Variants in PSPC1 observed in about 807,000 individuals in gnomAD.
PSPC1 encodes paraspeckle component 1, also known as paraspeckle protein 1.
In PSPC1, 14 loss-of-function variants were observed where a neutral mutation model predicts 51.6. The observed-to-expected ratio is 0.27, with a 90% confidence interval of 0.18 to 0.42. The LOEUF is 0.42. Ranked by LOEUF, PSPC1 falls within the 10% of genes least tolerant of loss-of-function variation. The pLI, the probability that PSPC1 is intolerant of heterozygous loss-of-function variation, is 1.00. For synonymous variants in PSPC1, 193 were observed against 231.9 expected, an observed-to-expected ratio of 0.83 and a Z score of 1.53; for missense variants, 406 against 701.1, an observed-to-expected ratio of 0.58 and a Z score of 4.75.
chr13:19,760,992 TAAAA>T, intron 2 of PSPC1, among the ~76,000 whole-genome samples: 1 of 140,198 alleles, frequency 7.1e-6, no homozygotes, highest in South Asian at 2.3e-4. Flanking sequence ...CGTCTCAAAT[TAAAA>T]AAAAAAAAAA....
chr13:19,698,195 G>A (rs187015153), downstream of PSPC1, among the ~76,000 whole-genome samples: 440 of 151,692 alleles, frequency 2.9e-3, 6 homozygotes, highest in Non-Finnish European at 4.0e-3. Context: ...GCTTATATAC[G>A]GTAATTCCTT....
chr13:19,687,337 A>G (rs555163448), intron 6 of PSPC1, among the ~76,000 whole-genome samples: 1 of 152,338 alleles, frequency 6.6e-6, no homozygotes, highest in African/African-American at 2.4e-5. Context: ...ATTCCAGTAC[A>G]AGACTCAAAC....
chr13:19,682,132 A>T (rs1877335512), intron 6 of PSPC1, among the ~76,000 whole-genome samples: 1 of 152,266 alleles, frequency 6.6e-6, no homozygotes, highest in Non-Finnish European at 1.5e-5. Context: ...TTTTGATGTA[A>T]TATAACCTCA....
chr13:19,679,752 C>T lies in PSPC1; in HGVS notation c.1159-1929G>A, dbSNP rs1373089065. ...TGATATTCATGGGGGCAGAAGCAACCTCCCAGGAAATGGAGGAACAACTGT... is the reference window on the plus strand; with the variant it reads ...TGATATTCATGGGGGCAGAAGCAACTTCCCAGGAAATGGAGGAACAACTGT... On this transcript the variant is annotated intron_variant and NMD_transcript_variant, in intron 6 of 7. Transcript: ENST00000471658. Among the ~76,000 whole-genome samples the T allele has an allele frequency of 2.6e-5, 4 of 152,130 alleles. No homozygotes were observed. In the South Asian group the frequency reaches 8.3e-4, roughly 31 times the overall value.
intron 6 of PSPC1, among the ~76,000 whole-genome samples, chr13:19,723,713 A>G (rs772294670): frequency 1.8e-4 from 27 of 152,350 alleles, no homozygotes; most frequent in Non-Finnish European, 3.7e-4. Flanking sequence ...TAAACATTAC[A>G]AACTTATATA....
rs113277552 is a variant in PSPC1, at chr13:19,757,273, T to C, written c.770+2050A>G. Among the ~76,000 whole-genome samples the C allele has an allele frequency of 3.8e-3, 584 of 152,260 alleles. 5 individuals carry two copies. Among genetic ancestry groups the C allele is most frequent in the African/African-American group, 0.013 (550 of 41,554 alleles). ...TGGAACTGTGCACCCACTGGAACCC[T>C]TGACAGACCATCAAGCTTCAGATGA... is the stretch of plus-strand genomic sequence containing the variant. On this transcript the variant is annotated intron_variant, in intron 3 of 8. Transcript: ENST00000338910.
At chr13:19,736,498 A>G (rs1045858681) in intron 5 of PSPC1, among the ~76,000 whole-genome samples, 44 of 151,816 alleles carry the variant, frequency 2.9e-4, no homozygotes, top group Non-Finnish European at 5.6e-4. Flanking sequence ...CCTGGCTAAC[A>G]CAGTGAAACC....
At chr13:19,740,909 G>C (rs1052599926) in intron 5 of PSPC1, among the ~76,000 whole-genome samples, 4 of 149,004 alleles carry the variant, frequency 2.7e-5, no homozygotes, top group African/African-American at 9.9e-5. Flanking sequence ...GAGTCTCACT[G>C]TGTAGCCCAG....
chr13:19,730,965 C>CAAAAAAAAAA (rs56753561), intron 5 of PSPC1, among the ~76,000 whole-genome samples: 1 of 37,358 alleles, frequency 2.7e-5, no homozygotes, highest in African/African-American at 6.8e-5. Flanking sequence ...AACAAAAAAA[C>CAAAAAAAAAA]AAAAAAAAAA....
chr13:19,675,662 GAGAC>G (rs1565949743), intron 7 of PSPC1: 1 of 152,178 alleles, frequency 6.6e-6, no homozygotes, highest in African/African-American at 2.4e-5. Context: ...ACCTGGAAAA[GAGAC>G]AGAGTCTTCA....
At chr13:19,775,833 G>A (rs571749291) in intron 1 of PSPC1, among the ~76,000 whole-genome samples, 6 of 152,248 alleles carry the variant, frequency 3.9e-5, no homozygotes, top group Admixed American at 2.0e-4. Flanking sequence ...GGAGAATCAC[G>A]AGGTCAGGAG....
intron 5 of PSPC1, among the ~76,000 whole-genome samples, chr13:19,735,048 A>G (rs1884618574): frequency 6.6e-6 from 1 of 151,850 alleles, no homozygotes; most frequent in South Asian, 2.1e-4. Flanking sequence ...GCGGTGGCTC[A>G]TGCTTGTAAT....
chr13:19,691,071 A>G (rs1330062953), intron 6 of PSPC1, among the ~76,000 whole-genome samples: 1 of 152,234 alleles, frequency 6.6e-6, no homozygotes, highest in African/African-American at 2.4e-5. Context: ...TTGAATGAAT[A>G]AACAATCTGC....
At chr13:19,679,076 G>C (rs780313599) in intron 6 of PSPC1, 7 of 152,168 alleles carry the variant, frequency 4.6e-5, no homozygotes, top group African/African-American at 7.2e-5. Context: ...TTAAAACAAG[G>C]CATGGCATAA....
chr13:19,763,054 GA>G (rs1184600719), intron 2 of PSPC1, among the ~76,000 whole-genome samples: 1 of 151,770 alleles, frequency 6.6e-6, no homozygotes, highest in African/African-American at 2.4e-5. Flanking sequence ...GCAGTGAGCT[GA>G]GACCGCGGCA....
At chr13:19,671,235 T>C (rs752642801), downstream of PSPC1, 1 of 1,614,164 alleles carries the variant, frequency 6.2e-7, no homozygotes, top group Admixed American at 1.7e-5. Flanking sequence ...CATTCAGCCC[T>C]GTTGCAGGTC....
intron 2 of PSPC1, among the ~76,000 whole-genome samples, chr13:19,761,530 T>A (rs890919586): frequency 1.3e-5 from 2 of 152,132 alleles, no homozygotes; most frequent in African/African-American, 4.8e-5. Flanking sequence ...ATACCAGAGA[T>A]TAACACAGAC....
intron 7 of PSPC1, among the ~76,000 whole-genome samples, chr13:19,677,447 CA>C (rs1876790115): frequency 6.6e-6 from 1 of 152,040 alleles, no homozygotes; most frequent in Non-Finnish European, 1.5e-5. Flanking sequence ...CGCATTACAC[CA>C]GTGAGGAAAG....
chr13:19,707,391 GC>G (rs1880827235), intron 7 of PSPC1, among the ~76,000 whole-genome samples: 1 of 152,190 alleles, frequency 6.6e-6, no homozygotes, highest in African/African-American at 2.4e-5. Context: ...TAGAAAGGTA[GC>G]ATTATAATGT....
Sources: allele counts gnomAD v4.1 joint callset (sites outside exome capture counted in the v4.1 genomes callset), GRCh38; gene constraint gnomAD v4.1.1; transcripts MANE v1.5; gene names NCBI Gene and HGNC (gene_info 2026-07-23, HGNC 2026-07-21).